SCN3A: variants seen among roughly 807,000 people sequenced by gnomAD.
SCN3A encodes the protein sodium channel protein type 3 subunit alpha.
In SCN3A, 60 loss-of-function variants were observed where a neutral mutation model predicts 187.6. The observed-to-expected ratio is 0.32, with a 90% CI of 0.26 to 0.40. The LOEUF is 0.40. SCN3A is among the 10% of genes least tolerant of loss of function. SCN3A has a pLI of 1.00. For missense variants in SCN3A, 1,601 were observed against 2,428.2 expected, an observed-to-expected ratio of 0.66 and a Z score of 7.16; for synonymous variants, 788 against 829.2, an observed-to-expected ratio of 0.95 and a Z score of 0.85.
At chr2:165,170,586 C>T (rs1172520760) in intron 3 of SCN3A, 38 bp from the exon 4 acceptor site, 2 of 1,219,506 alleles carry the variant, frequency 1.6e-6, no homozygotes, top group South Asian at 2.4e-5. Context: ...CTAAATTAGA[C>T]ATGGGCTTAT....
intron 16 of SCN3A, 84 bp from the exon 17 acceptor site, chr2:165,130,380 C>T: frequency 7.0e-7 from 1 of 1,434,436 alleles, no homozygotes; most frequent in Non-Finnish European, 9.7e-7. Context: ...TATCATAGAA[C>T]CACACGTGGT....
intron 18 of SCN3A, among the ~76,000 whole-genome samples, chr2:165,126,576 C>T (rs1687006235): frequency 8.3e-6 from 1 of 120,698 alleles, no homozygotes; most frequent in Admixed American, 8.6e-5. Context: ...CCCTTCCTTC[C>T]TCCCTCCCTC....
chr2:165,175,988 G>T, intron 3 of SCN3A, 143 bp downstream of exon 3: 1 of 717,638 alleles, frequency 1.4e-6, no homozygotes, highest in Non-Finnish European at 2.2e-6. Context: ...TTATTATATT[G>T]TGATAAAAAT....
chr2:165,138,174 G>T, intron 14 of SCN3A, 57 bp from the exon 15 acceptor site: 1 of 1,237,674 alleles, frequency 8.1e-7, no homozygotes, highest in Non-Finnish European at 1.2e-6. Context: ...AGTTATTATT[G>T]CTAGTAGATT....
chr2:165,162,332 A>G lies in SCN3A; in HGVS notation c.1007T>C (p.Leu336Pro). The change falls in exon 9 of 28, where the codon CTC becomes CCC. Residue 336 changes from leucine to proline, a missense_variant. Leu to Pro is a moderately conservative substitution (Grantham distance 98). This residue lies in a region of SCN3A where 104 missense variants were observed against 102.7 expected (regional missense o/e 1.01). Transcript: ENST00000283254. The stretch of plus-strand genomic sequence containing the variant: ...CCCTGCATCTGAGCCATTTCCACAG[A>G]GTAAAGGGTCTTTTTGCCCATCCAA... ...YVLDGQKDPL[L>P]CGNGSDAGQC... 6.2e-7 allele frequency: 1 copy of G among 1,613,682 alleles called. No individual in the cohort carries two copies. Among genetic ancestry groups the G allele is most frequent in the Non-Finnish European group, 8.5e-7 (1 of 1,179,840 alleles).
At chr2:165,104,127 G>T (rs1407697179) in intron 21 of SCN3A, among the ~76,000 whole-genome samples, 1 of 151,930 alleles carries the variant, frequency 6.6e-6, no homozygotes, top group Non-Finnish European at 1.5e-5. Flanking sequence ...AAAAAAGTTT[G>T]TGTAGGAGTC....
intron 2 of SCN3A, among the ~76,000 whole-genome samples, chr2:165,184,265 CAG>C (rs1691079786): frequency 6.6e-6 from 1 of 151,958 alleles, no homozygotes; most frequent in African/African-American, 2.4e-5. Flanking sequence ...ACACCTTAAT[CAG>C]GGGGCTGTGA....
chr2:165,116,534 A>C (rs1686375427), intron 18 of SCN3A, among the ~76,000 whole-genome samples: 1 of 152,212 alleles, frequency 6.6e-6, no homozygotes. Flanking sequence ...GTGCATGGAC[A>C]TGTTAATGAT....
At chr2:165,170,160 G>T (rs540404355) in intron 4 of SCN3A, among the ~76,000 whole-genome samples, 2 of 151,800 alleles carry the variant, frequency 1.3e-5, no homozygotes, top group Non-Finnish European at 3.0e-5. Flanking sequence ...AGCTGATAAA[G>T]GTGTAAGGAG....
chr2:165,193,977 A>G (rs764249297), intron 1 of SCN3A, among the ~76,000 whole-genome samples: 1 of 152,134 alleles, frequency 6.6e-6, no homozygotes, highest in Non-Finnish European at 1.5e-5. Context: ...GGCCTTCCCC[A>G]CTAAGCAGGC....
intron 1 of SCN3A, among the ~76,000 whole-genome samples, chr2:165,186,991 T>G (rs1691285877): frequency 6.6e-6 from 1 of 152,188 alleles, no homozygotes; most frequent in Non-Finnish European, 1.5e-5. Context: ...CCCCCTTCTT[T>G]GGCAGCCTTG....
chr2:165,173,206 A>G (rs1690224694), intron 3 of SCN3A, among the ~76,000 whole-genome samples: 1 of 152,222 alleles, frequency 6.6e-6, no homozygotes, highest in African/African-American at 2.4e-5. Flanking sequence ...CACATCAATC[A>G]GAGAACTCAA....
intron 26 of SCN3A, 169 bp downstream of exon 26, chr2:165,094,203 TGG>T (rs1186774230): frequency 1.3e-5 from 9 of 671,146 alleles, no homozygotes; most frequent in Admixed American, 2.4e-5. Flanking sequence ...TTTTGGAATG[TGG>T]TAACTCCTAA....
intron 9 of SCN3A, among the ~76,000 whole-genome samples, chr2:165,161,410 A>C (rs1689390018): frequency 1.3e-5 from 2 of 152,054 alleles, no homozygotes; most frequent in Admixed American, 1.3e-4. Flanking sequence ...CCTGGTATAC[A>C]TGAACTCTAC....
intron 21 of SCN3A, among the ~76,000 whole-genome samples, chr2:165,103,558 C>T (rs1251553149): frequency 6.6e-6 from 1 of 152,086 alleles, no homozygotes; most frequent in Non-Finnish European, 1.5e-5. Flanking sequence ...TCACACTACA[C>T]AGTAAATAAA....
At chr2:165,150,012 A>G (rs1688599971) in intron 11 of SCN3A, among the ~76,000 whole-genome samples, 1 of 152,210 alleles carries the variant, frequency 6.6e-6, no homozygotes, top group African/African-American at 2.4e-5. Context: ...TAGATTTCTT[A>G]AGAGCTACTA....
chr2:165,182,161 C>G (rs934157850), intron 2 of SCN3A, among the ~76,000 whole-genome samples: 4 of 152,180 alleles, frequency 2.6e-5, no homozygotes, highest in African/African-American at 9.7e-5. Flanking sequence ...AAAGCTCCCA[C>G]ACAAAGGGCC....
chr2:165,098,497 ATGCATTATACTT>A (rs1274230983), intron 22 of SCN3A, among the ~76,000 whole-genome samples: 1 of 152,224 alleles, frequency 6.6e-6, no homozygotes, highest in Non-Finnish European at 1.5e-5. Flanking sequence ...GTTAAGCCAT[ATGCATTATACTT>A]GCCAGGGAGA....
At chr2:165,098,236 A>G (rs963297019) in intron 22 of SCN3A, among the ~76,000 whole-genome samples, 1 of 152,232 alleles carries the variant, frequency 6.6e-6, no homozygotes, top group South Asian at 2.1e-4. Context: ...TTCACTTCTC[A>G]TTAAATTCAG....
Sources: allele counts gnomAD v4.1 joint callset (sites outside exome capture counted in the v4.1 genomes callset), GRCh38; gene constraint gnomAD v4.1.1; regional missense constraint gnomAD v4.1.1; transcripts MANE v1.5; gene names NCBI Gene and HGNC (gene_info 2026-07-23, HGNC 2026-07-21).